Variants in SHTN1 observed in about 807,000 individuals in gnomAD.
SHTN1 encodes shootin-1.
SHTN1 carries 42 observed loss-of-function variants against 83.1 expected under a neutral mutation model. The observed-to-expected ratio is 0.51, with a 90% CI of 0.39 to 0.65. The LOEUF is 0.65. Among genes scored for constraint, SHTN1 ranks in the 30% least tolerant of loss-of-function variants. The pLI, the probability that SHTN1 is intolerant of heterozygous loss-of-function variation, is 0.00. For synonymous variants in SHTN1, 224 were observed against 247.7 expected (o/e 0.90, Z 0.90); for missense variants, 622 against 737.8 (o/e 0.84, Z 1.82).
intron 3 of SHTN1, among the ~76,000 whole-genome samples, chr10:116,968,026 AC>A (rs1320153416): frequency 6.6e-6 from 1 of 152,114 alleles, no homozygotes; most frequent in Non-Finnish European, 1.5e-5. Context: ...TACTAAAAAT[AC>A]AAAAATTAGC....
chr10:117,088,596 T>C (rs1853384863), intron 1 of SHTN1, among the ~76,000 whole-genome samples: 1 of 152,096 alleles, frequency 6.6e-6, no homozygotes, highest in South Asian at 2.1e-4. Flanking sequence ...AGAGATGCAA[T>C]TTCCTCCACC....
chr10:116,891,175 C>T (rs574486085), intron 16 of SHTN1, among the ~76,000 whole-genome samples: 1 of 152,354 alleles, frequency 6.6e-6, no homozygotes, highest in South Asian at 2.1e-4. Context: ...TTGAACATTA[C>T]AGTGAATGAA....
intron 1 of SHTN1, among the ~76,000 whole-genome samples, chr10:117,110,760 T>C (rs188200630): frequency 3.3e-5 from 5 of 152,260 alleles, no homozygotes; most frequent in Admixed American, 2.0e-4. Flanking sequence ...CTACCATACA[T>C]TCACAGGCAT....
intron 2 of SHTN1, among the ~76,000 whole-genome samples, chr10:117,039,681 G>A (rs527484919): frequency 5.1e-4 from 78 of 151,824 alleles, no homozygotes; most frequent in African/African-American, 1.6e-3. Flanking sequence ...GTGAAAACCC[G>A]TCTCTACTAA....
At chr10:117,012,138 C>CA (rs745832549) in intron 2 of SHTN1, among the ~76,000 whole-genome samples, 3,031 of 65,026 alleles carry the variant, frequency 0.047, 50 homozygotes, top group South Asian at 0.11. Context: ...GACTCCATCT[C>CA]AAAAAAAAAA....
chr10:117,011,877 AC>A (rs2133556596), intron 2 of SHTN1, among the ~76,000 whole-genome samples: 1 of 152,280 alleles, frequency 6.6e-6, no homozygotes, highest in South Asian at 2.1e-4. Context: ...GCGGTGGCTC[AC>A]GCCTGTAATC....
intron 1 of SHTN1, among the ~76,000 whole-genome samples, chr10:117,125,034 T>C (rs778788503): frequency 6.6e-6 from 1 of 152,150 alleles, no homozygotes; most frequent in Admixed American, 6.5e-5. Flanking sequence ...GAGCCAAACA[T>C]GGACCCAGCT....
intron 1 of SHTN1, among the ~76,000 whole-genome samples, chr10:117,065,846 A>AGGG: frequency 2.3e-5 from 1 of 43,308 alleles, no homozygotes; most frequent in African/African-American, 7.3e-5. Context: ...GGAAGGAAGG[A>AGGG]AGGAAGGAAA....
At chr10:116,993,177 G>T (rs542286296) in intron 1 of SHTN1, among the ~76,000 whole-genome samples, 7 of 151,448 alleles carry the variant, frequency 4.6e-5, no homozygotes, top group Middle Eastern at 3.4e-3. Context: ...CACCACACCC[G>T]GCTAATTTTT....
chr10:116,943,282 G>A (rs1319767894), intron 8 of SHTN1, among the ~76,000 whole-genome samples: 3 of 152,138 alleles, frequency 2.0e-5, no homozygotes, highest in Non-Finnish European at 4.4e-5. Flanking sequence ...TCTTCCATCT[G>A]TCTTCTCTGC....
rs191720984 is a variant in SHTN1, at chr10:117,124,539, G to A, written c.-189+1768C>T. 2.0e-5 allele frequency among the ~76,000 whole-genome samples: 3 copies of A among 152,286 alleles called. No individual in the cohort carries two copies. The East Asian group carries it at 5.8e-4, about 29-fold the overall frequency. ...TGTAATCCCACCACTTTGGGAGGCC[G>A]AGGTGAGTCGATCACCTGAGGTCAG... On this transcript the variant is annotated intron_variant, in intron 1 of 17. Coordinates refer to the SHTN1 transcript ENST00000392901.
intron 2 of SHTN1, among the ~76,000 whole-genome samples, chr10:117,018,072 C>T (rs1852206198): frequency 6.6e-6 from 1 of 152,108 alleles, no homozygotes; most frequent in African/African-American, 2.4e-5. Flanking sequence ...GACATGATGA[C>T]TACAATTGAT....
intron 1 of SHTN1, among the ~76,000 whole-genome samples, chr10:117,052,671 T>C (rs1852763787): frequency 6.6e-6 from 1 of 151,890 alleles, no homozygotes; most frequent in Non-Finnish European, 1.5e-5. Context: ...GATCCTTCAA[T>C]GGGGAAAGAA....
intron 2 of SHTN1, among the ~76,000 whole-genome samples, chr10:117,036,187 G>A (rs889767101): frequency 3.3e-5 from 5 of 151,972 alleles, no homozygotes; most frequent in African/African-American, 1.2e-4. Flanking sequence ...ACTGCTGGGG[G>A]ATGTAAATTT....
intron 2 of SHTN1, among the ~76,000 whole-genome samples, chr10:117,018,567 CATTTTTTTTTT>C (rs1215181338): frequency 7.4e-6 from 1 of 135,812 alleles, no homozygotes; most frequent in Non-Finnish European, 1.6e-5. Flanking sequence ...CTGCTCTCAC[CATTTTTTTTTT>C]TTTTTTTTTT....
chr10:116,884,057 T>C lies in SHTN1; in HGVS notation c.*2287A>G. The C allele has an allele frequency of 1.2e-5, 4 of 325,362 alleles. No individual in the cohort carries two copies. Among genetic ancestry groups the C allele is most frequent in the South Asian group, 9.8e-5 (4 of 40,964 alleles). The allele number at this position is 325,362 out of a possible 1,614,324, so 20.2% of individuals were successfully genotyped here. A position where few individuals can be genotyped will look rare whatever the true frequency, so the allele number is the denominator to read the frequency against. Reference sequence around the variant, plus strand: ...AAAATCCTCTATAGCGCACAAGACTTAATTTATCTTTCCCAAACAGAAGGA... The same window carrying C: ...AAAATCCTCTATAGCGCACAAGACTCAATTTATCTTTCCCAAACAGAAGGA... On this transcript the variant is annotated 3_prime_UTR_variant, in exon 17 of 17. Coordinates refer to ENST00000355371, the MANE Select transcript of SHTN1 (RefSeq NM_001127211.3).
chr10:117,065,858 G>GAAGGAAGGA (rs1564947550), intron 1 of SHTN1, among the ~76,000 whole-genome samples: 1 of 91,862 alleles, frequency 1.1e-5, no homozygotes, highest in Non-Finnish European at 2.1e-5. Flanking sequence ...GGAAGGAAAG[G>GAAGGAAGGA]AGGGAGGGAG....
At chr10:117,090,821 AGGAG>A (rs1367293463) in intron 1 of SHTN1, among the ~76,000 whole-genome samples, 4 of 100,236 alleles carry the variant, frequency 4.0e-5, no homozygotes, top group Admixed American at 1.2e-4. Flanking sequence ...AAGGAAGGAA[AGGAG>A]GGAGGGAGGG....
intron 16 of SHTN1, among the ~76,000 whole-genome samples, chr10:116,892,596 T>G (rs890519378): frequency 6.6e-6 from 1 of 152,254 alleles, no homozygotes; most frequent in African/African-American, 2.4e-5. Flanking sequence ...TTTCATTCTA[T>G]GTTTTCAGGA....
Sources: gnomAD v4.1 joint callset for allele counts (sites outside exome capture counted in the v4.1 genomes callset) on GRCh38, gnomAD v4.1.1 for gene constraint, MANE v1.5 for transcripts, NCBI Gene and HGNC (gene_info 2026-07-23, HGNC 2026-07-21) for gene names.